Variants in MDGA2 observed in about 807,000 individuals in gnomAD.
MDGA2 encodes the protein MAM domain containing glycosylphosphatidylinositol anchor 2, also known as MAM domain-containing glycosylphosphatidylinositol anchor protein 2.
Under a neutral mutation model 117.8 loss-of-function variants are expected in MDGA2, and 40 were observed. That is an observed-to-expected ratio of 0.34 (90% CI 0.26 to 0.44). The LOEUF (loss-of-function observed/expected upper bound fraction) is 0.44, where lower values mean the gene tolerates loss of function less well. Ranked by LOEUF, MDGA2 falls within the 20% of genes least tolerant of loss-of-function variation. MDGA2 has a pLI of 1.00. For synonymous variants in MDGA2, 452 were observed against 439.0 expected (o/e 1.03, Z -0.37); for missense variants, 1,123 against 1,250.6 (o/e 0.90, Z 1.54).
intron 1 of MDGA2, among the ~76,000 whole-genome samples, chr14:47,542,889 T>C (rs1895380794): frequency 1.3e-5 from 2 of 152,216 alleles, no homozygotes; most frequent in Non-Finnish European, 2.9e-5. Context: ...AATACAAAGA[T>C]GTGTCAGACA....
chr14:47,657,928 A>G (rs1040212763), intron 1 of MDGA2, among the ~76,000 whole-genome samples: 6 of 152,190 alleles, frequency 3.9e-5, no homozygotes, highest in African/African-American at 9.6e-5. Flanking sequence ...GGTAGAATAC[A>G]TAAGTCCAAG....
At chr14:47,274,547 A>G (rs1246352100) in intron 2 of MDGA2, among the ~76,000 whole-genome samples, 1 of 152,124 alleles carries the variant, frequency 6.6e-6, no homozygotes, top group Non-Finnish European at 1.5e-5. Context: ...ATTTATGTGT[A>G]CAAGTTTTTG....
At chr14:47,375,533 A>G (rs1264551587) in intron 1 of MDGA2, among the ~76,000 whole-genome samples, 1 of 152,020 alleles carries the variant, frequency 6.6e-6, no homozygotes, top group East Asian at 1.9e-4. Context: ...TTCTAATGTC[A>G]GACCTTAAAA....
At chr14:46,966,064 C>T (rs996117037) in intron 8 of MDGA2, among the ~76,000 whole-genome samples, 1 of 149,894 alleles carries the variant, frequency 6.7e-6, no homozygotes, top group Non-Finnish European at 1.5e-5. Flanking sequence ...AACTACCACA[C>T]TACATGTATA....
chr14:47,296,592 T>C (rs940592037), intron 2 of MDGA2, among the ~76,000 whole-genome samples: 3 of 152,202 alleles, frequency 2.0e-5, no homozygotes, highest in Non-Finnish European at 4.4e-5. Context: ...CAATAGAGTG[T>C]AATTTACTTT....
At chr14:46,993,574 G>T (rs1887176197) in intron 8 of MDGA2, among the ~76,000 whole-genome samples, 1 of 151,490 alleles carries the variant, frequency 6.6e-6, no homozygotes, top group African/African-American at 2.4e-5. Context: ...AGATTCTCTT[G>T]CATCAGCCTC....
In MDGA2 at chr14:46,987,955, T is replaced by G. The variant is rs375189044; in HGVS notation, c.1820-30312A>C. Among the ~76,000 whole-genome samples the G allele has an allele frequency of 1.5e-4, 22 of 151,676 alleles. No individual in the cohort carries two copies. The East Asian group carries it at 3.3e-3, about 23-fold the overall frequency. ...GGGGGGGTGCGCGCGTGTGTGTATG[T>G]TGTAATTTGCTGTAGAAGTATGTTA... On this transcript the variant is annotated intron_variant, in intron 8 of 16. Coordinates refer to ENST00000399232, the MANE Select transcript of MDGA2 (RefSeq NM_001113498.3).
chr14:47,568,729 A>G (rs1895963358), intron 1 of MDGA2, among the ~76,000 whole-genome samples: 1 of 152,206 alleles, frequency 6.6e-6, no homozygotes, highest in African/African-American at 2.4e-5. Flanking sequence ...TAATCCTGTT[A>G]TATTGTAAAT....
intron 1 of MDGA2, among the ~76,000 whole-genome samples, chr14:47,461,243 C>A (rs1893476695): frequency 8.4e-6 from 1 of 119,290 alleles, no homozygotes; most frequent in Non-Finnish European, 1.8e-5. Context: ...TCTCATCATT[C>A]CATGTAGTCC....
chr14:46,983,525 C>T (rs905028708), intron 8 of MDGA2, among the ~76,000 whole-genome samples: 1 of 152,026 alleles, frequency 6.6e-6, no homozygotes. Flanking sequence ...AAAATTCCTA[C>T]CAAAAGTTGA....
intron 1 of MDGA2, among the ~76,000 whole-genome samples, chr14:47,330,067 T>C (rs1446319154): frequency 6.6e-6 from 1 of 151,958 alleles, no homozygotes; most frequent in Non-Finnish European, 1.5e-5. Context: ...TATTAAGGCA[T>C]AACAATTTAA....
At chr14:47,110,511 T>C (rs1381618738) in intron 5 of MDGA2, among the ~76,000 whole-genome samples, 1 of 152,216 alleles carries the variant, frequency 6.6e-6, no homozygotes, top group Non-Finnish European at 1.5e-5. Context: ...GGGAAAAATA[T>C]TTTGTCTGAA....
intron 1 of MDGA2, among the ~76,000 whole-genome samples, chr14:47,447,165 A>T (rs1476158522): frequency 6.6e-6 from 1 of 152,074 alleles, no homozygotes; most frequent in Non-Finnish European, 1.5e-5. Flanking sequence ...TAGCAATAAA[A>T]CTGTTTAGTC....
chr14:47,646,965 A>G (rs1022512688), intron 1 of MDGA2, among the ~76,000 whole-genome samples: 2 of 152,184 alleles, frequency 1.3e-5, no homozygotes, highest in Non-Finnish European at 2.9e-5. Context: ...CTACTGCACC[A>G]TAATTTACAT....
At chr14:47,191,110 A>T (rs1320271664) in intron 3 of MDGA2, among the ~76,000 whole-genome samples, 1 of 152,020 alleles carries the variant, frequency 6.6e-6, no homozygotes, top group Non-Finnish European at 1.5e-5. Flanking sequence ...TAGCATCTGA[A>T]TTTAGCCACT....
intron 7 of MDGA2, chr14:47,058,526 T>G: frequency 1.0e-6 from 1 of 984,440 alleles, no homozygotes; most frequent in East Asian, 1.1e-4. Context: ...CAAGATTTCC[T>G]TGTATGCTAT....
intron 1 of MDGA2, among the ~76,000 whole-genome samples, chr14:47,640,339 T>A (rs1348751074): frequency 2.0e-5 from 3 of 152,114 alleles, no homozygotes; most frequent in Non-Finnish European, 4.4e-5. Context: ...AACATTGACA[T>A]GATTATGCCA....
At position 47,347,347 on chromosome 14, in the gene MDGA2, T is replaced by C. The variant is rs116673299; in HGVS notation, c.281-45797A>G. 5.2e-3 allele frequency among the ~76,000 whole-genome samples: 788 copies of C among 152,254 alleles called. 7 individuals carry two copies. The highest frequency in any genetic ancestry group is 0.018 in the African/African-American group (763 of 41,550). The stretch of plus-strand genomic sequence containing the variant: ...CCGTATTTGAGAGTGGTATGTACTT[T>C]AGAAAAAGGCAGAAAACATGGCAAT... On this transcript the variant is annotated intron_variant, in intron 1 of 16. Transcript: ENST00000399232.
chr14:47,139,085 T>C (rs921468194), intron 4 of MDGA2, among the ~76,000 whole-genome samples: 1 of 152,116 alleles, frequency 6.6e-6, no homozygotes, highest in African/African-American at 2.4e-5. Flanking sequence ...AGAAATTCTA[T>C]TTTATTAAAA....
Sources: allele counts gnomAD v4.1 joint callset (sites outside exome capture counted in the v4.1 genomes callset), GRCh38; gene constraint gnomAD v4.1.1; transcripts MANE v1.5; gene names NCBI Gene and HGNC (gene_info 2026-07-23, HGNC 2026-07-21).